The following KIF20A variants were observed in gnomAD, a reference collection of about 807,000 sequenced individuals.
KIF20A encodes the protein kinesin family member 20A, also known as kinesin-like protein KIF20A.
In KIF20A, 66 loss-of-function variants were observed where a neutral mutation model predicts 113.0. That is an observed-to-expected ratio of 0.58 (90% CI 0.48 to 0.72). KIF20A has a LOEUF of 0.72. Among genes scored for constraint, KIF20A ranks in the 30% least tolerant of loss-of-function variants. KIF20A has a pLI of 0.00. For synonymous variants in KIF20A, 376 were observed against 402.3 expected (o/e 0.93, Z 0.78); for missense variants, 927 against 1,077.6 (o/e 0.86, Z 1.96).
chr5:138,181,765 A>G (rs901876725), intron 4 of KIF20A, 37 bp downstream of exon 4: 14 of 1,609,648 alleles, frequency 8.7e-6, no homozygotes, highest in African/African-American at 1.3e-5. Flanking sequence ...AAAGACCAAC[A>G]TGTAAGGGCA....
Position 138,187,360 on chromosome 5 carries a change from C to T in KIF20A, c.2620C>T (p.Arg874Cys), listed in dbSNP as rs376617326. Residue 874 changes from arginine (R) to cysteine (C), a missense_variant, in exon 19 of 19, where the codon CGC becomes TGC. Arg to Cys is a radical substitution (Grantham distance 180). Coordinates refer to ENST00000394894, the MANE Select transcript of KIF20A (RefSeq NM_005733.3). ...TDCSPYARIL[R>C]SRRSPLLKSG... is the part of the protein sequence containing the mutation. ...CTGCAGCCCTTATGCCCGGATCCTA[C>T]GCTCACGGCGTTCCCCTTTACTCAA... is the stretch of plus-strand genomic sequence containing the variant. 1.4e-5 allele frequency: 23 copies of T among 1,614,064 alleles called. No individual in the cohort carries two copies. The highest frequency in any genetic ancestry group is 1.8e-5 in the Non-Finnish European group (21 of 1,180,020).
At chr5:138,181,390 A>T in intron 2 of KIF20A, 32 bp from the exon 3 acceptor site, 1 of 1,588,520 alleles carries the variant, frequency 6.3e-7, no homozygotes, top group Non-Finnish European at 8.6e-7. Context: ...GCTGAAATTA[A>T]TCTGTGGTTC....
In KIF20A at chr5:138,183,324, C is replaced by T. The variant is rs775316936; in HGVS notation, c.988C>T (p.Arg330Trp). 9 of 1,614,172 alleles carry T rather than the reference C, an allele frequency of 5.6e-6. No homozygotes were observed. The highest frequency in any genetic ancestry group is 1.3e-5 in the African/African-American group (1 of 75,036). The change falls in exon 8 of 19, where the codon CGG becomes TGG. Residue 330 changes from arginine (R) to tryptophan (W), a missense_variant. Transcript: ENST00000394894. The surrounding 1 kb of genome is among the most constrained non-coding windows in gnomAD (Gnocchi z 5.2). ...PSQQRKRQTL[R>W]LCEDQNGNPY... Reference sequence around the variant, plus strand: ...CCAACAGCGCAAGAGGCAGACTTTGCGGCTATGCGAGGATCAAAATGGCAA... The same window carrying T: ...CCAACAGCGCAAGAGGCAGACTTTGTGGCTATGCGAGGATCAAAATGGCAA...
Position 138,185,174 on chromosome 5 carries a change from A to G in KIF20A, c.1903A>G (p.Ser635Gly). ...KLNILKESLT[S>G]FYQEEIQERD... ...AAATATCCTCAAGGAGTCACTGACAAGTTTTTACCAAGAAGAGATTCAGGT... is the reference window on the plus strand; with the variant it reads ...AAATATCCTCAAGGAGTCACTGACAGGTTTTTACCAAGAAGAGATTCAGGT... The change falls in exon 15 of 19, where the codon AGT (serine) becomes GGT (glycine). Residue 635 changes from serine to glycine, a missense_variant. Physicochemically the swap from Ser to Gly is moderately conservative, Grantham distance 56. Transcript: ENST00000394894. The G allele has an allele frequency of 6.2e-7, 1 of 1,613,402 alleles. No homozygotes were observed.
chr5:138,184,712 G>C, intron 13 of KIF20A, 36 bp downstream of exon 13: 1 of 1,611,310 alleles, frequency 6.2e-7, no homozygotes, highest in Non-Finnish European at 8.5e-7. Context: ...TAGCAGCTTA[G>C]TAGCTACACA....
At position 138,183,151 on chromosome 5, in the gene KIF20A, C is replaced by T. The variant is rs755360389; in HGVS notation, c.833-18C>T. The T allele has an allele frequency of 2.5e-6, 4 of 1,612,768 alleles. No individual in the cohort carries two copies. Among genetic ancestry groups the T allele is most frequent in the Middle Eastern group, 1.6e-4 (1 of 6,074 alleles). ...AACTGCTCTAGGTTGATGCCCTATA[C>T]ATTGGCTTCTTCTCCAGAAACAAGT... On this transcript the variant is annotated intron_variant, in intron 7 of 18. Coordinates refer to ENST00000394894, the MANE Select transcript of KIF20A (RefSeq NM_005733.3). This position sits in a 1 kb window ranked among gnomAD's most constrained non-coding sequence, Gnocchi z 5.2.
chr5:138,184,520 T>C lies in KIF20A; in HGVS notation c.1527T>C (p.His509=). 6.2e-7 allele frequency: 1 copy of C among 1,613,780 alleles called. No individual in the cohort carries two copies. The highest frequency in any genetic ancestry group is 1.1e-5 in the South Asian group (1 of 91,082). The change falls in exon 13 of 19, where the codon CAT becomes CAC. Residue 509 remains histidine, a synonymous_variant. Coordinates refer to ENST00000394894, the MANE Select transcript of KIF20A (RefSeq NM_005733.3). ...ATTTTTTTTCCCTCTAGCTTGTGCA[T>C]GCCCCACCTATGCAACTGGGATTCC... ...KFSAIASQLV[H]APPMQLGFPS... is the part of the protein sequence containing the mutation.
At chr5:138,179,528 C>G (rs751444123) in intron 1 of KIF20A, 132 bp from the exon 2 acceptor site, 28 of 667,824 alleles carry the variant, frequency 4.2e-5, no homozygotes, top group Non-Finnish European at 5.9e-5. Context: ...TCCCCTTTGC[C>G]GATAATTGGA....
Position 138,187,357 on chromosome 5 carries a change from C to A in KIF20A, c.2617C>A (p.Leu873Ile). ...AGACTGCAGCCCTTATGCCCGGATC[C>A]TACGCTCACGGCGTTCCCCTTTACT... The part of the protein sequence containing the change: ...STDCSPYARI[L>I]RSRRSPLLKS... The change falls in exon 19 of 19, where the codon CTA becomes ATA. Residue 873 changes from leucine (L) to isoleucine (I), a missense_variant. By Grantham distance (5) the Leu-to-Ile change is conservative. Transcript: ENST00000394894. 2 of 1,614,172 alleles carry A rather than the reference C, an allele frequency of 1.2e-6. No individual in the cohort carries two copies. The highest frequency in any genetic ancestry group is 1.7e-6 in the Non-Finnish European group (2 of 1,180,022).
In KIF20A at chr5:138,185,541, A is replaced by T; in HGVS notation, c.1956A>T (p.Glu652Asp). ...GGGATGAAAAGATTGAAGAGCTAGA[A>T]GCTCTCTTGCAGGAAGCCAGACAAC... ...QERDEKIEEL[E>D]ALLQEARQQS... Residue 652 changes from glutamate to aspartate, a missense_variant, in exon 16 of 19, where the codon GAA (glutamate) becomes GAT (aspartate). Physicochemically the swap from Glu to Asp is conservative, Grantham distance 45 (BLOSUM62 2). Coordinates refer to ENST00000394894, the MANE Select transcript of KIF20A (RefSeq NM_005733.3). 1 of 1,613,806 alleles carries T rather than the reference A, an allele frequency of 6.2e-7. No homozygotes were observed. Among genetic ancestry groups the T allele is most frequent in the Non-Finnish European group, 8.5e-7 (1 of 1,180,016 alleles).
At chr5:138,184,986 C>A (rs758010099) in intron 14 of KIF20A, 40 bp downstream of exon 14, 3 of 1,609,824 alleles carry the variant, frequency 1.9e-6, no homozygotes, top group Admixed American at 1.7e-5. Context: ...TCACCTGAGA[C>A]AGAGGGTGGG....
Position 138,185,694 on chromosome 5 carries a change from A to C in KIF20A, c.2109A>C (p.Leu703=). 6.2e-7 allele frequency: 1 copy of C among 1,614,162 alleles called. No homozygotes were observed. The highest frequency in any genetic ancestry group is 8.5e-7 in the Non-Finnish European group (1 of 1,179,980). ...KAKLQQCKAE[L]NSTTEELHKY... Reference sequence around the variant, plus strand: ...AATTACAGCAGTGCAAAGCAGAGCTAAACTCTACCACTGAAGGTGAGGAAA... The same window carrying C: ...AATTACAGCAGTGCAAAGCAGAGCTCAACTCTACCACTGAAGGTGAGGAAA... The change falls in exon 16 of 19, where the codon CTA becomes CTC. Residue 703 remains leucine, a synonymous_variant. Coordinates refer to ENST00000394894, the MANE Select transcript of KIF20A (RefSeq NM_005733.3).
chr5:138,179,566 G>C (rs1754600753), intron 1 of KIF20A, 94 bp from the exon 2 acceptor site: 1 of 903,828 alleles, frequency 1.1e-6, no homozygotes, highest in Non-Finnish European at 1.7e-6. Flanking sequence ...AGCGGGACAC[G>C]GTGTCCTGGG....
Position 138,183,206 on chromosome 5 carries a change from A to G in KIF20A, c.870A>G (p.Pro290=). 6.2e-7 allele frequency: 1 copy of G among 1,614,204 alleles called. No homozygotes were observed. The highest frequency in any genetic ancestry group is 8.5e-7 in the Non-Finnish European group (1 of 1,180,030). The change falls in exon 8 of 19, where the codon CCA becomes CCG. Residue 290 remains proline, a synonymous_variant. Transcript: ENST00000394894. The surrounding 1 kb of genome is among the most constrained non-coding windows in gnomAD (Gnocchi z 5.2). ...SHRWAQPDTA[P]LPVPANIRFS... ...GATGGGCACAGCCAGACACTGCCCC[A>G]CTACCTGTCCCGGCAAACATTCGCT...
In KIF20A at chr5:138,184,234, GC is replaced by G; in HGVS notation, c.1353-3del. 6.2e-7 allele frequency: 1 copy of G among 1,613,890 alleles called. No individual in the cohort carries two copies. The highest frequency in any genetic ancestry group is 2.2e-5 in the East Asian group (1 of 44,880). ...ACAGCTCTATTATCTCTGATTCTCT[GC>G]CAGGTCAAAGCAGAACCTGGTTCCC... On this transcript the variant is annotated splice_polypyrimidine_tract_variant and splice_region_variant and intron_variant, in intron 11 of 18. Coordinates refer to ENST00000394894, the MANE Select transcript of KIF20A (RefSeq NM_005733.3).
At chr5:138,179,882 T>TA (rs1410139820) in intron 2 of KIF20A, 37 bp downstream of exon 2, 2 of 1,605,632 alleles carry the variant, frequency 1.2e-6, no homozygotes, top group Non-Finnish European at 1.7e-6. Flanking sequence ...CGGAAAGTGA[T>TA]ATCCTCAGGC....
Position 138,179,704 on chromosome 5 carries a change from G to A in KIF20A, c.24G>A (p.Pro8=), listed in dbSNP as rs201784256. The A allele has an allele frequency of 1.0e-4, 168 of 1,614,004 alleles. No individual in the cohort carries two copies. In the East Asian group the frequency reaches 3.5e-3, roughly 34 times the overall value. Residue 8 remains proline, a synonymous_variant, in exon 2 of 19, where the codon CCG becomes CCA. Transcript: ENST00000394894. MSQGILS[P]PAGLLSDDDV... ...TCATGTCGCAAGGGATCCTTTCTCC[G>A]CCAGCGGGCTTGCTGTCCGATGACG...
At position 138,184,229 on chromosome 5, in the gene KIF20A, T is replaced by C; in HGVS notation, c.1353-10T>C. 4 of 1,613,936 alleles carry C rather than the reference T, an allele frequency of 2.5e-6. No individual in the cohort carries two copies. Among genetic ancestry groups the C allele is most frequent in the Non-Finnish European group, 3.4e-6 (4 of 1,179,866 alleles). ...TGCTCACAGCTCTATTATCTCTGAT[T>C]CTCTGCCAGGTCAAAGCAGAACCTG... On this transcript the variant is annotated splice_polypyrimidine_tract_variant and intron_variant, in intron 11 of 18. Coordinates refer to ENST00000394894, the MANE Select transcript of KIF20A (RefSeq NM_005733.3).
At chr5:138,181,902 TTC>T (rs1412561057) in intron 4 of KIF20A, 174 bp downstream of exon 4, 1 of 650,266 alleles carries the variant, frequency 1.5e-6, no homozygotes, top group Non-Finnish European at 2.6e-6. Flanking sequence ...TGTATATCAG[TTC>T]TGAAAAATTC....
Sources: allele counts gnomAD v4.1 joint callset, GRCh38; gene constraint gnomAD v4.1.1; non-coding constraint Gnocchi (gnomAD v3.1); transcripts MANE v1.5; gene names NCBI Gene and HGNC (gene_info 2026-07-23, HGNC 2026-07-21).